SEMA4F: variants seen among roughly 807,000 people sequenced by gnomAD.
SEMA4F encodes the protein semaphorin-4F.
SEMA4F carries 51 observed loss-of-function variants against 78.4 expected under a neutral mutation model. That is an observed-to-expected ratio of 0.65 (90% CI 0.52 to 0.82). The LOEUF is 0.82. SEMA4F is among the 40% of genes least tolerant of loss of function. SEMA4F has a pLI of 0.00. For synonymous variants in SEMA4F, 418 were observed against 408.7 expected (o/e 1.02, Z -0.27); for missense variants, 938 against 1,014.4 (o/e 0.92, Z 1.02).
intron 1 of SEMA4F, 77 bp downstream of exon 1, chr2:74,654,598 C>T: frequency 1.6e-6 from 2 of 1,281,984 alleles, no homozygotes; most frequent in Non-Finnish European, 2.1e-6. Flanking sequence ...TCAGACCGCT[C>T]GGCCGGACCC....
intron 5 of SEMA4F, among the ~76,000 whole-genome samples, chr2:74,665,882 T>A (rs1476226977): frequency 6.6e-6 from 1 of 152,082 alleles, no homozygotes; most frequent in Admixed American, 6.5e-5. Flanking sequence ...ATCGTACTTT[T>A]GTTTCAAGCA....
chr2:74,659,500 A>G (rs1028821775), intron 4 of SEMA4F, among the ~76,000 whole-genome samples: 2 of 152,280 alleles, frequency 1.3e-5, no homozygotes, highest in South Asian at 4.1e-4. Context: ...GAGTGAAGCC[A>G]GGGGTCTGTG....
chr2:74,674,867 G>T, intron 8 of SEMA4F, 21 bp from the exon 9 acceptor site: 2 of 1,613,162 alleles, frequency 1.2e-6, no homozygotes, highest in South Asian at 1.1e-5. Flanking sequence ...CATATATCCA[G>T]CTCCAACCTG....
chr2:74,674,570 G>A lies in SEMA4F; in HGVS notation c.895G>A (p.Gly299Arg). ...TFLKADLLCP[G>R]PEHGRASSVL... ...TTTGAAAGCTGACCTGCTCTGTCCA[G>A]GGCCTGAGCATGGCCGGGCCTCCAG... The change falls in exon 8 of 14, where the codon GGG becomes AGG. Residue 299 changes from glycine (G) to arginine (R), a missense_variant. Physicochemically the swap from Gly to Arg is moderately radical, Grantham distance 125. Transcript: ENST00000357877. The A allele has an allele frequency of 6.2e-7, 1 of 1,614,166 alleles. No individual in the cohort carries two copies.
intron 12 of SEMA4F, 101 bp from the exon 13 acceptor site, chr2:74,679,175 G>C: frequency 2.1e-6 from 2 of 944,078 alleles, no homozygotes; most frequent in Admixed American, 1.8e-5. Flanking sequence ...GTGATTTCTG[G>C]GATGATGGGA....
In SEMA4F at chr2:74,682,153, A is replaced by C. The variant is rs1242554963; in HGVS notation, c.*1944A>C. 1 of 152,306 alleles carries C rather than the reference A, an allele frequency of 6.6e-6. No homozygotes were observed. The highest frequency in any genetic ancestry group is 6.5e-5 in the Admixed American group (1 of 15,288). 9.4% of individuals were successfully genotyped at this position (152,306 alleles called of 1,614,324 possible). ...ATTCGTAGGCTGGGCATGGTGGCTT[A>C]CGCCTGTAATCCCAGCACTTTGGGA... On this transcript the variant is annotated 3_prime_UTR_variant, in exon 14 of 14. Coordinates refer to ENST00000357877, the MANE Select transcript of SEMA4F (RefSeq NM_004263.5).
chr2:74,689,085 A>G, the SEMA4F span, among the ~76,000 whole-genome samples: 1 of 152,112 alleles, frequency 6.6e-6, no homozygotes, highest in East Asian at 1.9e-4. Flanking sequence ...AATCTGAGGA[A>G]CCCAAAGATA....
Position 74,656,575 on chromosome 2 carries a change from T to TA in SEMA4F, c.188dup (p.Tyr63Ter), listed in dbSNP as rs767765287. Residue 63 changes from tyrosine (Y) to a stop codon, truncating the protein, a stop_gained and frameshift_variant, in exon 2 of 14, where the codon TAC (tyrosine) becomes TAAC (stop). Coordinates refer to ENST00000357877, the MANE Select transcript of SEMA4F (RefSeq NM_004263.5). LOFTEE classifies it high-confidence loss of function. ...CACCCGGTTCGCAGTCCCTCACACA[T>TA]ACAATTACTCTGTTCTCCTTGTGGA... ...CLTRFAVPHT[Y>*]NYSVLLVDPA... The TA allele has an allele frequency of 1.9e-6, 3 of 1,614,094 alleles. No individual in the cohort carries two copies. The highest frequency in any genetic ancestry group is 2.5e-6 in the Non-Finnish European group (3 of 1,179,994).
the SEMA4F span, among the ~76,000 whole-genome samples, chr2:74,692,296 T>G: frequency 6.6e-6 from 1 of 152,072 alleles, no homozygotes; most frequent in South Asian, 2.1e-4. Context: ...ACAGAGTTCA[T>G]GAAATGTGGC....
intron 5 of SEMA4F, among the ~76,000 whole-genome samples, chr2:74,664,307 G>A (rs1325051803): frequency 6.6e-6 from 1 of 152,140 alleles, no homozygotes; most frequent in Non-Finnish European, 1.5e-5. Flanking sequence ...AAAATTCATT[G>A]TAAAGATAAT....
At chr2:74,660,924 A>G (rs773705640) in intron 4 of SEMA4F, among the ~76,000 whole-genome samples, 1 of 152,226 alleles carries the variant, frequency 6.6e-6, no homozygotes, top group Non-Finnish European at 1.5e-5. Flanking sequence ...CTGGCTGGAA[A>G]GAATGAATGA....
chr2:74,686,573 G>A (rs778743476), downstream of SEMA4F, among the ~76,000 whole-genome samples: 2 of 152,198 alleles, frequency 1.3e-5, no homozygotes, highest in Non-Finnish European at 2.9e-5. Context: ...AAAGACACGT[G>A]CACACGTATG....
At chr2:74,702,081 A>C in the SEMA4F span, among the ~76,000 whole-genome samples, 1 of 152,162 alleles carries the variant, frequency 6.6e-6, no homozygotes. Context: ...GCCTCTCAAA[A>C]ACATTTAACA....
intron 5 of SEMA4F, among the ~76,000 whole-genome samples, chr2:74,667,638 A>T (rs1684763672): frequency 6.6e-6 from 1 of 152,244 alleles, no homozygotes; most frequent in Non-Finnish European, 1.5e-5. Flanking sequence ...AGATACAATT[A>T]AGTAAATGAT....
At chr2:74,669,456 G>A (rs1017919077) in intron 5 of SEMA4F, among the ~76,000 whole-genome samples, 1 of 151,334 alleles carries the variant, frequency 6.6e-6, no homozygotes, top group Non-Finnish European at 1.5e-5. Flanking sequence ...TGGTGGGGGG[G>A]TGCCTGTAAT....
intron 1 of SEMA4F, among the ~76,000 whole-genome samples, chr2:74,655,039 T>A (rs1684052848): frequency 6.6e-6 from 1 of 152,156 alleles, no homozygotes; most frequent in Admixed American, 6.5e-5. Context: ...CTTCTCCAAT[T>A]CATTTCCCTA....
At chr2:74,686,698 G>A (rs189148225), downstream of SEMA4F, among the ~76,000 whole-genome samples, 19 of 152,268 alleles carry the variant, frequency 1.2e-4, no homozygotes, top group Admixed American at 5.2e-4. Flanking sequence ...CTATGCAGCC[G>A]TAAAAAGAAT....
intron 6 of SEMA4F, 40 bp from the exon 7 acceptor site, chr2:74,673,637 G>A (rs1685105664): frequency 1.2e-6 from 2 of 1,613,076 alleles, no homozygotes; most frequent in Non-Finnish European, 1.7e-6. Context: ...GGAAGTCCTA[G>A]GTTGTGTCTG....
Position 74,674,954 on chromosome 2 carries a change from T to C in SEMA4F, c.1068T>C (p.Gly356=). ...AAGACATTCGGACAGTGCTGAATGG[T>C]CCCTTCAGAGAACTAAAACATGACT... The part of the protein sequence containing the change: ...RPQDIRTVLN[G]PFRELKHDCN... Residue 356 remains glycine, a synonymous_variant, in exon 9 of 14, where the codon GGT becomes GGC. Transcript: ENST00000357877. 6.2e-7 allele frequency: 1 copy of C among 1,613,838 alleles called. No homozygotes were observed. The highest frequency in any genetic ancestry group is 8.5e-7 in the Non-Finnish European group (1 of 1,179,978).
Sources: gnomAD v4.1 joint callset for allele counts (sites outside exome capture counted in the v4.1 genomes callset) on GRCh38, gnomAD v4.1.1 for gene constraint, MANE v1.5 for transcripts, NCBI Gene and HGNC (gene_info 2026-07-23, HGNC 2026-07-21) for gene names.